Variants in VEGFD observed in about 807,000 individuals in gnomAD.
VEGFD encodes the protein c-fos induced growth factor (vascular endothelial growth factor D).
A neutral mutation model predicts 28.0 loss-of-function variants in VEGFD; 26 were observed. That is an observed-to-expected ratio of 0.93 (90% CI 0.68 to 1.29). The LOEUF is 1.29. VEGFD is among the 50% of genes most tolerant of loss of function. VEGFD has a pLI of 0.00. For missense variants in VEGFD, 294 were observed against 273.4 expected, an observed-to-expected ratio of 1.08 and a Z score of -0.53; for synonymous variants, 93 against 95.5, an observed-to-expected ratio of 0.97 and a Z score of 0.15.
intron 1 of VEGFD, among the ~76,000 whole-genome samples, chrX:15,380,408 G>T (rs758543562): frequency 8.9e-6 from 1 of 112,859 alleles, no homozygotes; most frequent in African/African-American, 3.2e-5. Flanking sequence ...CATTCCTGTG[G>T]ATCTTGGACT....
At chrX:15,359,531 C>T (rs774369917) in intron 2 of VEGFD, among the ~76,000 whole-genome samples, 1 of 109,128 alleles carries the variant, frequency 9.2e-6, no homozygotes, top group South Asian at 4.1e-4. Context: ...TGTCCTAATG[C>T]TCTCCCTCCC....
Position 15,384,096 on chromosome X carries a change from G to T in VEGFD, c.-150C>A. ...TAATCAGTTCTGATCAAAATCCAAT[G>T]AAATTATTTCAATTAGGCAAGGTAC... is the stretch of plus-strand genomic sequence containing the variant. On this transcript the variant is annotated 5_prime_UTR_variant, in exon 1 of 7. Transcript: ENST00000297904. 2.3e-6 allele frequency: 1 copy of T among 428,934 alleles called. No individual in the cohort carries two copies. 35.3% of individuals were successfully genotyped at this position (428,934 alleles called of 1,213,427 possible).
intron 4 of VEGFD, 94 bp from the exon 5 acceptor site, chrX:15,353,262 A>G (rs1922776514): frequency 5.1e-6 from 2 of 394,174 alleles, no homozygotes; most frequent in East Asian, 5.5e-5. Context: ...ATAATAGTTA[A>G]GATTTTTTAA....
chrX:15,358,857 TA>T (rs1250438098), intron 2 of VEGFD, among the ~76,000 whole-genome samples: 3 of 112,328 alleles, frequency 2.7e-5, no homozygotes, highest in Admixed American at 1.9e-4. Context: ...CCTATGGGAA[TA>T]AAAAAATTAT....
rs1922535456 is a variant in VEGFD, at chrX:15,345,988, T to C, written c.*145A>G. 3.0e-6 allele frequency: 2 copies of C among 659,973 alleles called. No homozygotes were observed. The highest frequency in any genetic ancestry group is 3.2e-5 in the Admixed American group (1 of 31,122). 54.4% of individuals were successfully genotyped at this position (659,973 alleles called of 1,213,427 possible). A position where few individuals can be genotyped will look rare whatever the true frequency, so the allele number is the denominator to read the frequency against. On this transcript the variant is annotated 3_prime_UTR_variant, in exon 7 of 7. Transcript: ENST00000297904. Reference sequence around the variant, plus strand: ...AATGAACCAGGGACTCCTTAGCTGGTGTGAATGGAAGGTTGGTCTGGATTC... The same window carrying C: ...AATGAACCAGGGACTCCTTAGCTGGCGTGAATGGAAGGTTGGTCTGGATTC...
chrX:15,364,626 G>A (rs780118724), intron 1 of VEGFD, among the ~76,000 whole-genome samples: 9 of 111,754 alleles, frequency 8.1e-5, no homozygotes, highest in African/African-American at 2.9e-4. Flanking sequence ...TGACCCGGTA[G>A]TTACTAGATG....
intron 1 of VEGFD, among the ~76,000 whole-genome samples, chrX:15,368,035 G>GAAAGAAAGAAAGAAAGGA: frequency 5.3e-5 from 2 of 37,461 alleles, no homozygotes; most frequent in South Asian, 3.2e-3. Context: ...AGAAAGGAAA[G>GAAAGAAAGAAAGAAAGGA]AAGAAAGAAA....
Position 15,363,233 on chromosome X carries a change from A to T in VEGFD, c.177T>A (p.Ser59=). The change falls in exon 2 of 7, where the codon TCT becomes TCA. Residue 59 remains serine (S), a synonymous_variant. Coordinates refer to ENST00000297904, the MANE Select transcript of VEGFD (RefSeq NM_004469.5). ...TGCATCTCCACAGCTTCCAGTCCTCAGAGTGAGTAATTCGAAGTAGTTCCT... is the reference window on the plus strand; with the variant it reads ...TGCATCTCCACAGCTTCCAGTCCTCTGAGTGAGTAATTCGAAGTAGTTCCT... The part of the protein sequence containing the change: ...SLEELLRITH[S]EDWKLWRCRL... 1 of 1,211,561 alleles carries T rather than the reference A, an allele frequency of 8.3e-7. No individual in the cohort carries two copies. Among genetic ancestry groups the T allele is most frequent in the South Asian group, 1.8e-5 (1 of 56,991 alleles).
chrX:15,369,536 C>G (rs377295101), intron 1 of VEGFD, among the ~76,000 whole-genome samples: 13 of 111,593 alleles, frequency 1.2e-4, no homozygotes, highest in Non-Finnish European at 2.4e-4. Context: ...GCAACAGGAA[C>G]CCTCACACAA....
Position 15,346,196 on chromosome X carries a change from CT to C in VEGFD, c.1001del (p.Lys334SerfsTer34), listed in dbSNP as rs1268192459. On this transcript the variant is annotated frameshift_variant, in exon 7 of 7. Transcript: ENST00000297904. LOFTEE classifies it high-confidence loss of function. ...TTTTCTCCTTTGGAAAGCGGCAATG[CT>C]TTGCACATGCTGTTTTGCCACTTGC... ...PCASGKTACA[K>X]HCRFPKEKRA... is the part of the protein sequence containing the mutation. 2 of 1,209,752 alleles carry C rather than the reference CT, an allele frequency of 1.7e-6. No homozygotes were observed. Among genetic ancestry groups the C allele is most frequent in the African/African-American group, 3.5e-5 (2 of 57,333 alleles).
chrX:15,363,161 G>A lies in VEGFD; in HGVS notation c.249C>T (p.Ser83=). Residue 83 remains serine, a synonymous_variant, in exon 2 of 7, where the codon TCC becomes TCT. Coordinates refer to ENST00000297904, the MANE Select transcript of VEGFD (RefSeq NM_004469.5). ...TTGCCGCAAACCTAGTGGACCGATG[G>A]GATGCTGAGCGAGAGTCCATACTGG... is the stretch of plus-strand genomic sequence containing the variant. ...SFTSMDSRSA[S]HRSTRFAATF... 8.3e-7 allele frequency: 1 copy of A among 1,211,130 alleles called. No homozygotes were observed. The highest frequency in any genetic ancestry group is 1.1e-6 in the Non-Finnish European group (1 of 895,333).
chrX:15,358,943 T>A (rs1359268932), intron 2 of VEGFD, among the ~76,000 whole-genome samples: 1 of 112,345 alleles, frequency 8.9e-6, no homozygotes, highest in Non-Finnish European at 1.9e-5. Context: ...CCTTTGATAC[T>A]TAATGCTGCA....
chrX:15,353,221 A>C, intron 4 of VEGFD, 53 bp from the exon 5 acceptor site: 2 of 670,920 alleles, frequency 3.0e-6, no homozygotes, highest in Non-Finnish European at 4.4e-6. Flanking sequence ...GATAATCAAA[A>C]CTTTGGAACA....
At chrX:15,378,669 CAG>C (rs749386387) in intron 1 of VEGFD, among the ~76,000 whole-genome samples, 1 of 111,691 alleles carries the variant, frequency 9.0e-6, no homozygotes, top group East Asian at 2.8e-4. Context: ...GAAGATAAAA[CAG>C]TGTAATAATT....
intron 5 of VEGFD, among the ~76,000 whole-genome samples, chrX:15,349,545 A>C (rs1354690241): frequency 8.9e-6 from 1 of 112,297 alleles, no homozygotes; most frequent in Non-Finnish European, 1.9e-5. Flanking sequence ...AATTTTTTCA[A>C]AATAAATTCT....
chrX:15,350,797 T>G (rs1922680121), intron 5 of VEGFD, among the ~76,000 whole-genome samples: 1 of 101,248 alleles, frequency 9.9e-6, no homozygotes, highest in African/African-American at 3.6e-5. Context: ...CTTTCTTTTC[T>G]TTTCTTTCTT....
rs769722951 is a variant in VEGFD, at chrX:15,358,030, G to A, written c.465C>T (p.Asn155=). 3.3e-6 allele frequency: 4 copies of A among 1,210,003 alleles called. No homozygotes were observed. In the South Asian group the frequency reaches 7.0e-5, roughly 21 times the overall value. ...CCNEESLICM[N]TSTSYISKQL... ...GTTTGGAAATGTACGAGGTGCTGGT[G>A]TTCATACAGATAAGGCTCTCTTCAT... The change falls in exon 3 of 7, where the codon AAC becomes AAT. Residue 155 remains asparagine (N), a synonymous_variant. Transcript: ENST00000297904.
chrX:15,355,150 C>A lies in VEGFD; in HGVS notation c.641G>T (p.Arg214Leu), dbSNP rs760573055. Residue 214 changes from arginine to leucine, a missense_variant and splice_region_variant, in exon 4 of 7, where the codon CGC becomes CTC. By Grantham distance (102) the Arg-to-Leu change is moderately radical. Coordinates refer to ENST00000297904, the MANE Select transcript of VEGFD (RefSeq NM_004469.5). ...TAAAAAAAAAAACAAAAGTGCTTAC[C>A]GATCTTCTTCAGGGATCTGGATGGA... ...RRSIQIPEED[R>L]CSHSKKLCPI... 1.7e-6 allele frequency: 2 copies of A among 1,163,367 alleles called. No individual in the cohort carries two copies.
At position 15,346,241 on chromosome X, in the gene VEGFD, G is replaced by A; in HGVS notation, c.957C>T (p.Pro319=). ...CACTTGCACATGGTCTGGTATGAAA[G>A]GGGCATCTGTCCTCACAGCTGTTGC... ...PDTCSCEDRC[P]FHTRPCASGK... Residue 319 remains proline (P), a synonymous_variant, in exon 7 of 7, where the codon CCC becomes CCT. Transcript: ENST00000297904. 1 of 1,210,057 alleles carries A rather than the reference G, an allele frequency of 8.3e-7. No homozygotes were observed. Among genetic ancestry groups the A allele is most frequent in the South Asian group, 1.8e-5 (1 of 56,657 alleles).
Sources: gnomAD v4.1 joint callset for allele counts (sites outside exome capture counted in the v4.1 genomes callset) on GRCh38, gnomAD v4.1.1 for gene constraint, MANE v1.5 for transcripts, NCBI Gene and HGNC (gene_info 2026-07-23, HGNC 2026-07-21) for gene names.